Variants in NBPF11 observed in about 807,000 individuals in gnomAD.
NBPF11 encodes the protein NBPF member 11.
A neutral mutation model predicts 93.9 loss-of-function variants in NBPF11; 72 were observed. The ratio of observed to expected loss-of-function variants is 0.77; its 90% CI spans 0.63 to 0.93. The LOEUF (loss-of-function observed/expected upper bound fraction) is 0.93. Ranked by LOEUF, NBPF11 falls within the 40% of genes least tolerant of loss-of-function variation. NBPF11 has a pLI of 0.00. For synonymous variants in NBPF11, 224 were observed against 304.9 expected (o/e 0.73, Z 2.76); for missense variants, 705 against 802.2 (o/e 0.88, Z 1.46).
chr1:148,102,284 C>A lies in NBPF11; in HGVS notation c.*1612G>T, dbSNP rs1336317125. Reference sequence around the variant, plus strand: ...ACAAAGGCACAGTAAAAATTGAGACCCAAAATTTGCAGCGTAGAGATATGA... The same window carrying A: ...ACAAAGGCACAGTAAAAATTGAGACACAAAATTTGCAGCGTAGAGATATGA... On this transcript the variant is annotated 3_prime_UTR_variant, in exon 24 of 24. Transcript: ENST00000682118. 1 of 151,626 alleles carries A rather than the reference C, an allele frequency of 6.6e-6. No individual in the cohort carries two copies. Among genetic ancestry groups the A allele is most frequent in the Non-Finnish European group, 1.5e-5 (1 of 67,990 alleles). The allele number at this position is 151,626 out of a possible 1,614,324, so 9.4% of individuals were successfully genotyped here.
intron 1 of NBPF11, among the ~76,000 whole-genome samples, chr1:148,147,461 C>G (rs1205717084): frequency 6.6e-6 from 1 of 152,044 alleles, no homozygotes; most frequent in Non-Finnish European, 1.5e-5. Flanking sequence ...TCCAGCCCTC[C>G]TAGTCATCCA....
intron 2 of NBPF11, among the ~76,000 whole-genome samples, chr1:148,140,309 A>T (rs1353248617): frequency 7.2e-5 from 11 of 152,002 alleles, no homozygotes; most frequent in Admixed American, 7.2e-4. Flanking sequence ...GCGCAAAACC[A>T]TAAGAATCCT....
At chr1:148,113,023 C>G (rs1272219403) in intron 15 of NBPF11, among the ~76,000 whole-genome samples, 7 of 151,992 alleles carry the variant, frequency 4.6e-5, no homozygotes, top group Non-Finnish European at 1.0e-4. Flanking sequence ...ACATGCCAAA[C>G]TCTAAAGACC....
chr1:148,109,771 T>G, intron 16 of NBPF11, among the ~76,000 whole-genome samples: 1 of 131,462 alleles, frequency 7.6e-6, no homozygotes, highest in Non-Finnish European at 1.6e-5. Context: ...AAAATGAAAC[T>G]TGGTTCTACA....
rs1664977562 is a variant in NBPF11, at chr1:148,110,443, T to G, written c.1736A>C (p.Gln579Pro). ...TGAGTGAAATGTGCTGCTGTAAGAC[T>G]GGTACGAGGCCAACCTTTCAGGAGG... ...SIPPERLASYQSYSSTFHSLE... is the reference protein window; with the variant it reads ...SIPPERLASYPSYSSTFHSLE... Residue 579 changes from glutamine to proline, a missense_variant, in exon 16 of 24, where the codon CAG becomes CCG. Coordinates refer to ENST00000682118, the MANE Select transcript of NBPF11 (RefSeq NM_001385469.3). The G allele has an allele frequency of 3.1e-6, 5 of 1,592,628 alleles. No individual in the cohort carries two copies. In the South Asian group the frequency reaches 3.3e-5, roughly 11 times the overall value.
At chr1:148,122,921 C>T in intron 7 of NBPF11, 120 bp from the exon 8 acceptor site, 1 of 1,569,906 alleles carries the variant, frequency 6.4e-7, no homozygotes, top group East Asian at 2.2e-5. Context: ...TGAAAACTCT[C>T]ATGTTTTATC....
At chr1:148,113,446 A>G (rs1412055634) in intron 15 of NBPF11, among the ~76,000 whole-genome samples, 2 of 148,216 alleles carry the variant, frequency 1.3e-5, no homozygotes, top group Non-Finnish European at 3.0e-5. Context: ...TGCACCCTAT[A>G]CAGGAGCACC....
chr1:148,126,812 G>T lies in NBPF11; in HGVS notation c.175+17C>A. On this transcript the variant is annotated intron_variant, in intron 5 of 23. Transcript: ENST00000682118. The stretch of plus-strand genomic sequence containing the variant: ...TCACATTCATCACTTTCATGATGGT[G>T]AGCCTATAGATCTTACTGTATTTCT... The T allele has an allele frequency of 4.4e-6, 7 of 1,596,438 alleles. No homozygotes were observed. Among genetic ancestry groups the T allele is most frequent in the Non-Finnish European group, 6.0e-6 (7 of 1,169,330 alleles).
In NBPF11 at chr1:148,118,674, C is replaced by G. The variant is rs6666178; in HGVS notation, c.1037G>C (p.Arg346Pro). The G allele has an allele frequency of 2.6e-6, 4 of 1,548,802 alleles. No homozygotes were observed. In the African/African-American group the frequency reaches 4.5e-5, roughly 18 times the overall value. The change falls in exon 11 of 24, where the codon CGA (arginine) becomes CCA (proline). Residue 346 changes from arginine to proline, a missense_variant. Around this residue, in one of 12 missense-constraint regions of NBPF11, gnomAD observed 262 missense variants for 223.1 expected, o/e 1.17. Transcript: ENST00000682118. The part of the protein sequence containing the change: ...DLIKSMLRNE[R>P]QFKEEKLAEQ... Reference sequence around the variant, plus strand: ...TGCAAGCTTCTCCTCCTTGAACTGTCGCTCATTCCTCAGCATAGATTTTAT... The same window carrying G: ...TGCAAGCTTCTCCTCCTTGAACTGTGGCTCATTCCTCAGCATAGATTTTAT...
At chr1:148,116,893 C>T (rs1346441493) in intron 12 of NBPF11, among the ~76,000 whole-genome samples, 7 of 152,296 alleles carry the variant, frequency 4.6e-5, no homozygotes, top group South Asian at 2.1e-4. Context: ...CATTTCAAAC[C>T]TAATTCTTTC....
intron 16 of NBPF11, among the ~76,000 whole-genome samples, chr1:148,110,138 A>G (rs1445838481): frequency 6.6e-6 from 1 of 151,938 alleles, no homozygotes; most frequent in Non-Finnish European, 1.5e-5. Flanking sequence ...CAATGTCGTG[A>G]CAGTCAGTCC....
chr1:148,127,630 C>T, intron 4 of NBPF11, among the ~76,000 whole-genome samples: 1 of 124,908 alleles, frequency 8.0e-6, no homozygotes, highest in African/African-American at 3.3e-5. Context: ...AGTATGTTCT[C>T]TTGTTTTGAC....
chr1:148,113,130 A>C (rs1394516229), intron 15 of NBPF11, among the ~76,000 whole-genome samples: 1 of 152,034 alleles, frequency 6.6e-6, no homozygotes, highest in Non-Finnish European at 1.5e-5. Flanking sequence ...TATTAACCTT[A>C]AATGTAAAGG....
At chr1:148,123,500 A>G (rs1452505479) in intron 7 of NBPF11, among the ~76,000 whole-genome samples, 2 of 152,042 alleles carry the variant, frequency 1.3e-5, no homozygotes, top group African/African-American at 4.8e-5. Context: ...CTTACTAAGA[A>G]CATTGCCAAA....
intron 17 of NBPF11, among the ~76,000 whole-genome samples, chr1:148,108,870 C>CACACACACACAA (rs1664517088): frequency 6.7e-6 from 1 of 150,148 alleles, no homozygotes; most frequent in Non-Finnish European, 1.5e-5. Context: ...CACACACACA[C>CACACACACACAA]ACACACACAC....
intron 1 of NBPF11, chr1:148,146,457 C>T: frequency 6.2e-7 from 1 of 1,604,608 alleles, no homozygotes; most frequent in South Asian, 1.1e-5. Context: ...GCCCCGGCCG[C>T]ATCGCTGCCA....
chr1:148,110,434 C>T lies in NBPF11; in HGVS notation c.1745G>A (p.Ser582Asn), dbSNP rs1258508909. The T allele has an allele frequency of 1.7e-5, 27 of 1,592,994 alleles. 2 individuals are homozygous for T. The highest frequency in any genetic ancestry group is 3.4e-5 in the Admixed American group (2 of 58,816). ...PERLASYQSYSSTFHSLEEQQ... is the reference protein window; with the variant it reads ...PERLASYQSYNSTFHSLEEQQ... ...TTCCTCTAATGAGTGAAATGTGCTGCTGTAAGACTGGTACGAGGCCAACCT... is the reference window on the plus strand; with the variant it reads ...TTCCTCTAATGAGTGAAATGTGCTGTTGTAAGACTGGTACGAGGCCAACCT... The change falls in exon 16 of 24, where the codon AGC (serine) becomes AAC (asparagine). Residue 582 changes from serine to asparagine, a missense_variant. Ser to Asn is a conservative substitution (Grantham distance 46). This residue lies in a region of NBPF11 where 19 missense variants were observed against 16.3 expected (regional missense o/e 1.17). Coordinates refer to ENST00000682118, the MANE Select transcript of NBPF11 (RefSeq NM_001385469.3).
chr1:148,147,580 G>T (rs1168281900), intron 1 of NBPF11, among the ~76,000 whole-genome samples: 1 of 151,964 alleles, frequency 6.6e-6, no homozygotes, highest in Non-Finnish European at 1.5e-5. Context: ...GGCTTTTCCT[G>T]CTCGCCATCC....
At chr1:148,149,645 G>A in intron 1 of NBPF11, 2 of 1,309,316 alleles carry the variant, frequency 1.5e-6, no homozygotes, top group South Asian at 2.6e-5. Context: ...CCCAGGGGCT[G>A]CATGTGGACC....
Sources: allele counts gnomAD v4.1 joint callset (sites outside exome capture counted in the v4.1 genomes callset), GRCh38; gene constraint gnomAD v4.1.1; regional missense constraint gnomAD v4.1.1; transcripts MANE v1.5; gene names NCBI Gene and HGNC (gene_info 2026-07-23, HGNC 2026-07-21).